The following POLM variants were observed in gnomAD, a reference collection of about 807,000 sequenced individuals.
The protein encoded by POLM is DNA polymerase mu, also known as DNA-directed DNA/RNA polymerase mu.
POLM carries 52 observed loss-of-function variants against 56.7 expected under a neutral mutation model. That is an observed-to-expected ratio of 0.92 (90% CI 0.73 to 1.15). POLM has a LOEUF of 1.15. Among genes scored for constraint, POLM ranks in the 50% most tolerant of loss-of-function variants. The probability of loss-of-function intolerance (pLI) is 0.00; values close to 1 mark genes in which losing one functional copy is unlikely to be tolerated. For missense variants in POLM, 660 were observed against 663.6 expected (o/e 0.99, Z 0.06); for synonymous variants, 273 against 274.3 (o/e 1.00, Z 0.05).
At position 44,073,925 on chromosome 7, in the gene POLM, AT is replaced by A. The variant is rs2089953658; in HGVS notation, c.1171del (p.Ile391PhefsTer25). Reference protein sequence around the residue: ...HMDAFERSFCIFRLPQPPGAA... With the variant: ...HMDAFERSFCXFRLPQPPGAA... ...CCCTGGAGGTTGTGGTAGGCGGAAA[AT>A]GCAGAAACTTCTCTCAAAAGCGTCC... On this transcript the variant is annotated frameshift_variant, in exon 9 of 11. Coordinates refer to ENST00000242248, the MANE Select transcript of POLM (RefSeq NM_013284.4). LOFTEE classifies it high-confidence loss of function. 6.2e-7 allele frequency: 1 copy of A among 1,614,088 alleles called. No individual in the cohort carries two copies. Among genetic ancestry groups the A allele is most frequent in the African/African-American group, 1.3e-5 (1 of 74,948 alleles).
At chr7:44,075,156 T>G (rs1200991169) in intron 6 of POLM, among the ~76,000 whole-genome samples, 2 of 152,194 alleles carry the variant, frequency 1.3e-5, no homozygotes, top group African/African-American at 4.8e-5. Flanking sequence ...GTTCAAGTGA[T>G]TCTCCTGCCT....
chr7:44,079,705 C>T lies in POLM; in HGVS notation c.508G>A (p.Glu170Lys), dbSNP rs1450103502. 2 of 1,611,840 alleles carry T rather than the reference C, an allele frequency of 1.2e-6. No homozygotes were observed. The highest frequency in any genetic ancestry group is 3.3e-5 in the Admixed American group (2 of 59,860). The part of the protein sequence containing the change: ...LEILAEAAGF[E>K]GSEGRLLTFC... Reference sequence around the variant, plus strand: ...GTGAGGAGGCGGCCCTCACTGCCTTCAAAGCCTGCTGCCTCGGCCAGTATC... The same window carrying T: ...GTGAGGAGGCGGCCCTCACTGCCTTTAAAGCCTGCTGCCTCGGCCAGTATC... The change falls in exon 4 of 11, where the codon GAA becomes AAA. Residue 170 changes from glutamate to lysine, a missense_variant. By Grantham distance (56) the Glu-to-Lys change is moderately conservative. Coordinates refer to ENST00000242248, the MANE Select transcript of POLM (RefSeq NM_013284.4).
chr7:44,082,403 G>GGACCC lies in POLM; in HGVS notation c.31_35dup (p.Pro13GlyfsTer60). The GGACCC allele has an allele frequency of 2.0e-6, 3 of 1,488,240 alleles. No individual in the cohort carries two copies. Among genetic ancestry groups the GGACCC allele is most frequent in the Non-Finnish European group, 2.7e-6 (3 of 1,129,352 alleles). The allele number at this position is 1,488,240 out of a possible 1,614,324, so 92.2% of individuals were successfully genotyped here. ...TGGAGGAAGCGGCATCGCCGCTAGG[G>GGACCC]GACCCGACCCGCGCTCGCCGCCGTT... is the stretch of plus-strand genomic sequence containing the variant. On this transcript the variant is annotated frameshift_variant, in exon 1 of 11. Coordinates refer to ENST00000242248, the MANE Select transcript of POLM (RefSeq NM_013284.4). LOFTEE classifies it high-confidence loss of function.
Position 44,073,903 on chromosome 7 carries a change from T to G in POLM, c.1194A>C (p.Pro398=). The part of the protein sequence containing the change: ...SFCIFRLPQP[P]GAAVGGSTRP... ...TCGTGGATCCCCCCACAGCAGCCCC[T>G]GGAGGTTGTGGTAGGCGGAAAATGC... The change falls in exon 9 of 11, where the codon CCA becomes CCC. Residue 398 remains proline (P), a synonymous_variant. Transcript: ENST00000242248. 6.2e-7 allele frequency: 1 copy of G among 1,614,180 alleles called. No homozygotes were observed. The highest frequency in any genetic ancestry group is 8.5e-7 in the Non-Finnish European group (1 of 1,180,014).
In POLM at chr7:44,073,297, G is replaced by C; in HGVS notation, c.1479C>G (p.Asn493Lys). 1 of 1,614,220 alleles carries C rather than the reference G, an allele frequency of 6.2e-7. No individual in the cohort carries two copies. The highest frequency in any genetic ancestry group is 1.1e-5 in the South Asian group (1 of 91,090). ...GTGGGGGACACAGGCAGGCTCAGGC[G>C]TTTCTCTGCTCTGGAGGAAGGTACT... Reference protein sequence around the residue: ...GLEYLPPEQRNA With the variant: ...GLEYLPPEQRKA The change falls in exon 11 of 11, where the codon AAC (asparagine) becomes AAG (lysine). Residue 493 changes from asparagine to lysine, a missense_variant. Physicochemically the swap from Asn to Lys is moderately conservative, Grantham distance 94. Transcript: ENST00000242248.
chr7:44,075,525 GC>G (rs2096181057), intron 6 of POLM, among the ~76,000 whole-genome samples: 2 of 152,182 alleles, frequency 1.3e-5, no homozygotes, highest in Non-Finnish European at 2.9e-5. Context: ...GGGAAGATGT[GC>G]GAAGAGGCAG....
At position 44,082,324 on chromosome 7, in the gene POLM, T is replaced by A. The variant is rs747067143; in HGVS notation, c.115A>T (p.Met39Leu). ...GVAIYLVEPR[M>L]GRSRRAFLTG... ...AGGAAGGCCCGGCGGCTGCGACCCATGCGAGGCTCGACCAGGTAGATGGCG... is the reference window on the plus strand; with the variant it reads ...AGGAAGGCCCGGCGGCTGCGACCCAAGCGAGGCTCGACCAGGTAGATGGCG... The change falls in exon 1 of 11, where the codon ATG becomes TTG. Residue 39 changes from methionine to leucine, a missense_variant. Coordinates refer to ENST00000242248, the MANE Select transcript of POLM (RefSeq NM_013284.4). 1.9e-6 allele frequency: 3 copies of A among 1,560,866 alleles called. No individual in the cohort carries two copies. The highest frequency in any genetic ancestry group is 2.6e-6 in the Non-Finnish European group (3 of 1,160,542).
chr7:44,081,041 C>T, intron 1 of POLM, 125 bp from the exon 2 acceptor site: 1 of 761,856 alleles, frequency 1.3e-6, no homozygotes, highest in Non-Finnish European at 2.1e-6. Flanking sequence ...CAAACGTCAC[C>T]TCCTCCAGAA....
At position 44,076,531 on chromosome 7, in the gene POLM, T is replaced by G; in HGVS notation, c.813A>C (p.Lys271Asn). 1 of 1,613,952 alleles carries G rather than the reference T, an allele frequency of 6.2e-7. No individual in the cohort carries two copies. Residue 271 changes from lysine to asparagine, a missense_variant, in exon 6 of 11, where the codon AAA becomes AAC. By Grantham distance (94) the Lys-to-Asn change is moderately conservative (BLOSUM62 0). Transcript: ENST00000242248. ...TLDDLREQPQ[K>N]LTQQQKAGLQ... ...CACCCGCTTTCTGCTGTTGGGTTAG[T>G]TTCTGGGGCTGCTCTCGGAGGTCAT...
intron 4 of POLM, among the ~76,000 whole-genome samples, 153 bp from the exon 5 acceptor site, chr7:44,078,964 A>G (rs2096191579): frequency 6.6e-6 from 1 of 152,148 alleles, no homozygotes; most frequent in Non-Finnish European, 1.5e-5. Flanking sequence ...GTCCAGTAGG[A>G]CCTGGAAATG....
rs573412282 is a variant in POLM, at chr7:44,079,436, T to C, written c.642+135A>G. 5.2e-6 allele frequency: 4 copies of C among 771,286 alleles called. No homozygotes were observed. In the African/African-American group the frequency reaches 5.2e-5, roughly 10 times the overall value. The allele number at this position is 771,286 out of a possible 1,614,324, so 47.8% of individuals were successfully genotyped here. A position where few individuals can be genotyped will look rare whatever the true frequency, so the allele number is the denominator to read the frequency against. On this transcript the variant is annotated intron_variant, in intron 4 of 10. Coordinates refer to ENST00000242248, the MANE Select transcript of POLM (RefSeq NM_013284.4). The stretch of plus-strand genomic sequence containing the variant: ...AGGAATCTGAGCGCAGAGGGTGGCT[T>C]GTTGAGGCCTTGGAGCAGTGTCAGC...
intron 4 of POLM, 92 bp downstream of exon 4, chr7:44,079,479 C>T: frequency 7.9e-7 from 1 of 1,269,410 alleles, no homozygotes; most frequent in Non-Finnish European, 1.1e-6. Flanking sequence ...ACTGTCTGTC[C>T]TCACCCACCC....
rs368091725 is a variant in POLM at position 44,080,851 on chromosome 7, C to T, written c.254G>A (p.Arg85His). The change falls in exon 2 of 11, where the codon CGC becomes CAC. Residue 85 changes from arginine (R) to histidine (H), a missense_variant. By Grantham distance (29) the Arg-to-His change is conservative. Transcript: ENST00000242248. ...SAEEAVSWQERRMAAAPPGCT... is the reference protein window; with the variant it reads ...SAEEAVSWQEHRMAAAPPGCT... ...ACCCGGGGGAGCAGCTGCCATCCTG[C>T]GCTCCTGCCAGCTGACGGCCTCCTC... 138 of 1,609,782 alleles carry T rather than the reference C, an allele frequency of 8.6e-5. 1 individual carries two copies. In the South Asian group the frequency reaches 1.2e-3, roughly 14 times the overall value.
rs1376478853 is a variant in POLM, at chr7:44,078,541, G to A, written c.714+199C>T. The A allele has an allele frequency of 6.9e-6, 4 of 579,980 alleles. No homozygotes were observed. The South Asian group carries it at 8.2e-5, about 12-fold the overall frequency. The allele number at this position is 579,980 out of a possible 1,614,324, so 35.9% of individuals were successfully genotyped here. ...CTAGAAAATTCTGTCCTCAAAACAA[G>A]CTTCTTCCTTGCCTGTCTCCACTTG... On this transcript the variant is annotated intron_variant, in intron 5 of 10. Coordinates refer to ENST00000242248, the MANE Select transcript of POLM (RefSeq NM_013284.4).
intron 10 of POLM, 95 bp downstream of exon 10, chr7:44,073,530 G>C: frequency 6.3e-7 from 1 of 1,598,926 alleles, no homozygotes; most frequent in Non-Finnish European, 8.5e-7. Context: ...GGGTCCTATG[G>C]GTTTCAGGCT....
Position 44,082,346 on chromosome 7 carries a change from G to A in POLM, c.93C>T (p.Ala31=). The A allele has an allele frequency of 7.1e-6, 11 of 1,559,428 alleles. No homozygotes were observed. The highest frequency in any genetic ancestry group is 1.9e-5 in the Admixed American group (1 of 53,170). Residue 31 remains alanine, a synonymous_variant, in exon 1 of 11, where the codon GCC becomes GCT. Coordinates refer to ENST00000242248, the MANE Select transcript of POLM (RefSeq NM_013284.4). ...CCATGCGAGGCTCGACCAGGTAGATGGCGACTCCCGGGAAGCGCGTCGAGG... is the reference window on the plus strand; with the variant it reads ...CCATGCGAGGCTCGACCAGGTAGATAGCGACTCCCGGGAAGCGCGTCGAGG... ...TPPSTRFPGV[A]IYLVEPRMGR...
At position 44,074,007 on chromosome 7, in the gene POLM, G is replaced by C. The variant is rs1392240896; in HGVS notation, c.1090C>G (p.Gln364Glu). The C allele has an allele frequency of 6.2e-7, 1 of 1,613,940 alleles. No homozygotes were observed. The highest frequency in any genetic ancestry group is 1.7e-5 in the Admixed American group (1 of 60,014). ...GACTCACAGCAGCTGTGCTGGTGCT[G>C]GTGGTACAGGATGAGGCCCTGTGGG... is the stretch of plus-strand genomic sequence containing the variant. The part of the protein sequence containing the change: ...LQDQGLILYH[Q>E]HQHSCCESPT... The change falls in exon 9 of 11, where the codon CAG becomes GAG. Residue 364 changes from glutamine to glutamate, a missense_variant. Gln to Glu is a conservative substitution (Grantham distance 29). Coordinates refer to ENST00000242248, the MANE Select transcript of POLM (RefSeq NM_013284.4).
chr7:44,075,512 C>T (rs1002265564), intron 6 of POLM, among the ~76,000 whole-genome samples: 2 of 152,130 alleles, frequency 1.3e-5, no homozygotes, highest in Non-Finnish European at 2.9e-5. Context: ...GGCAGTGGCC[C>T]GGGGGAAGAT....
intron 5 of POLM, chr7:44,077,096 C>T (rs2096185692): frequency 6.5e-6 from 1 of 154,384 alleles, no homozygotes; most frequent in African/African-American, 2.4e-5. Context: ...GCTCACATAT[C>T]TTCCCACAGA....
Sources: gnomAD v4.1 joint callset for allele counts (sites outside exome capture counted in the v4.1 genomes callset) on GRCh38, gnomAD v4.1.1 for gene constraint, MANE v1.5 for transcripts, NCBI Gene and HGNC (gene_info 2026-07-23, HGNC 2026-07-21) for gene names.